Variants in FGF12 observed in about 807,000 individuals in gnomAD.
The protein encoded by FGF12 is fibroblast growth factor 12.
FGF12 carries 14 observed loss-of-function variants against 23.6 expected under a neutral mutation model. The observed-to-expected ratio is 0.59, with a 90% CI of 0.39 to 0.93. The LOEUF is 0.93. Ranked by LOEUF, FGF12 falls within the 40% of genes least tolerant of loss-of-function variation. The probability of loss-of-function intolerance (pLI) is 0.00; values close to 1 mark genes in which losing one functional copy is unlikely to be tolerated. For synonymous variants in FGF12, 62 were observed against 77.3 expected (o/e 0.80, Z 1.04); for missense variants, 175 against 217.8 (o/e 0.80, Z 1.24).
intron 3 of FGF12, among the ~76,000 whole-genome samples, chr3:192,347,010 A>T (rs2108716925): frequency 6.6e-6 from 1 of 152,320 alleles, no homozygotes; most frequent in South Asian, 2.1e-4. Context: ...CTCCAGAGGT[A>T]ATTTAGCTTA....
At chr3:192,624,902 C>T (rs184598072) in intron 2 of FGF12, among the ~76,000 whole-genome samples, 1 of 152,130 alleles carries the variant, frequency 6.6e-6, no homozygotes, top group Non-Finnish European at 1.5e-5. Flanking sequence ...TTACTGCATT[C>T]TTCCAGAGAT....
At chr3:192,359,722 A>G (rs866388827) in intron 3 of FGF12, among the ~76,000 whole-genome samples, 30 of 152,108 alleles carry the variant, frequency 2.0e-4, no homozygotes, top group Admixed American at 1.8e-3. Flanking sequence ...TGTCAACTCT[A>G]AAGTTAGAGC....
At chr3:192,244,422 A>G (rs1255860457) in intron 4 of FGF12, among the ~76,000 whole-genome samples, 1 of 152,176 alleles carries the variant, frequency 6.6e-6, no homozygotes, top group Non-Finnish European at 1.5e-5. Context: ...AAGTGGAAAG[A>G]GCAAAATGGA....
intron 2 of FGF12, among the ~76,000 whole-genome samples, chr3:192,366,269 G>T (rs1180175054): frequency 6.6e-6 from 1 of 152,114 alleles, no homozygotes; most frequent in Non-Finnish European, 1.5e-5. Flanking sequence ...AGAAAATTGT[G>T]CAAGAAATAT....
chr3:192,725,039 G>A (rs1719164451), intron 2 of FGF12, among the ~76,000 whole-genome samples: 1 of 152,120 alleles, frequency 6.6e-6, no homozygotes, highest in East Asian at 1.9e-4. Context: ...TTTGTACACG[G>A]CAGCATAAAA....
chr3:192,643,988 A>T (rs1037454796), intron 2 of FGF12, among the ~76,000 whole-genome samples: 1 of 152,146 alleles, frequency 6.6e-6, no homozygotes, highest in Non-Finnish European at 1.5e-5. Context: ...AAGCTAAAAA[A>T]CCTAAAGGAC....
intron 2 of FGF12, among the ~76,000 whole-genome samples, chr3:192,523,948 A>C (rs550066118): frequency 6.6e-6 from 1 of 152,348 alleles, no homozygotes; most frequent in Non-Finnish European, 1.5e-5. Context: ...AAATGCAGAT[A>C]GAAAAAGGAT....
chr3:192,604,726 C>T (rs1425060106), intron 2 of FGF12, among the ~76,000 whole-genome samples: 1 of 152,094 alleles, frequency 6.6e-6, no homozygotes, highest in African/African-American at 2.4e-5. Flanking sequence ...CATATGCAAC[C>T]ACAAAAGAGC....
At chr3:192,169,915 G>T (rs918555224) in intron 5 of FGF12, among the ~76,000 whole-genome samples, 6 of 150,284 alleles carry the variant, frequency 4.0e-5, no homozygotes, top group African/African-American at 7.4e-5. Context: ...CGAGAGAAAA[G>T]GTTATAGGCT....
intron 4 of FGF12, among the ~76,000 whole-genome samples, chr3:192,290,543 C>T (rs1438135650): frequency 1.3e-5 from 2 of 152,108 alleles, no homozygotes; most frequent in African/African-American, 4.8e-5. Flanking sequence ...CTAAGCCCAG[C>T]CCTGTGGTGT....
At chr3:192,655,269 C>A (rs377542100) in intron 2 of FGF12, among the ~76,000 whole-genome samples, 16 of 152,138 alleles carry the variant, frequency 1.1e-4, no homozygotes, top group East Asian at 3.9e-4. Flanking sequence ...ATCCTAGCCA[C>A]CCTTGTAGAT....
chr3:192,219,752 T>C (rs921839325), intron 4 of FGF12, among the ~76,000 whole-genome samples: 2 of 152,206 alleles, frequency 1.3e-5, no homozygotes, highest in Non-Finnish European at 2.9e-5. Flanking sequence ...TGCATGTGAT[T>C]CTGACTCACA....
intron 4 of FGF12, among the ~76,000 whole-genome samples, chr3:192,187,250 C>T (rs1289301712): frequency 2.6e-5 from 4 of 152,066 alleles, no homozygotes; most frequent in Admixed American, 6.6e-5. Flanking sequence ...CTAGAGTCGA[C>T]GAGTTTTAGT....
At position 192,363,864 on chromosome 3, in the gene FGF12, A is replaced by T. The variant is rs182021848; in HGVS notation, c.14-3326T>A. ...CAACTAACACACGTTTATTTATCAGACTATGCTTGGGGACCCAAGATATGA... is the reference window on the plus strand; with the variant it reads ...CAACTAACACACGTTTATTTATCAGTCTATGCTTGGGGACCCAAGATATGA... On this transcript the variant is annotated intron_variant, in intron 2 of 5. Transcript: ENST00000445105. 6.6e-5 allele frequency among the ~76,000 whole-genome samples: 10 copies of T among 152,354 alleles called. No homozygotes were observed. In the East Asian group the frequency reaches 1.9e-3, roughly 29 times the overall value.
At chr3:192,295,487 G>T (rs1030234729) in intron 4 of FGF12, among the ~76,000 whole-genome samples, 2 of 152,112 alleles carry the variant, frequency 1.3e-5, no homozygotes, top group African/African-American at 4.8e-5. Flanking sequence ...TCAAAATAAT[G>T]TGTTATATTT....
chr3:192,613,186 C>T (rs1446855720), intron 2 of FGF12, among the ~76,000 whole-genome samples: 1 of 151,830 alleles, frequency 6.6e-6, no homozygotes, highest in Non-Finnish European at 1.5e-5. Flanking sequence ...TCCTTGAAGA[C>T]TTTTTGTACA....
intron 4 of FGF12, among the ~76,000 whole-genome samples, chr3:192,283,420 G>A: frequency 6.6e-6 from 1 of 152,046 alleles, no homozygotes. Context: ...TAAAGGATAA[G>A]GTTGAGCACA....
intron 2 of FGF12, among the ~76,000 whole-genome samples, chr3:192,691,720 T>A (rs1489423562): frequency 2.6e-5 from 4 of 151,872 alleles, no homozygotes; most frequent in African/African-American, 9.7e-5. Flanking sequence ...AAACTAGAAC[T>A]ATTTAAAAAT....
intron 2 of FGF12, among the ~76,000 whole-genome samples, chr3:192,603,553 G>T (rs1714207809): frequency 6.6e-6 from 1 of 152,046 alleles, no homozygotes; most frequent in Non-Finnish European, 1.5e-5. Context: ...AAGAGAAAGA[G>T]TACAAAGAGA....
Sources: allele counts gnomAD v4.1 joint callset (sites outside exome capture counted in the v4.1 genomes callset), GRCh38; gene constraint gnomAD v4.1.1; transcripts MANE v1.5; gene names NCBI Gene and HGNC (gene_info 2026-07-23, HGNC 2026-07-21).